Variants in NAV2 observed in about 807,000 individuals in gnomAD.
NAV2 encodes the protein neuron navigator 2, also known as helicase, APC down-regulated 1.
In NAV2, 54 loss-of-function variants were observed where a neutral mutation model predicts 223.2. The observed-to-expected ratio is 0.24, with a 90% CI of 0.19 to 0.30. NAV2 has a LOEUF of 0.30. Ranked by LOEUF, NAV2 falls within the 10% of genes least tolerant of loss-of-function variation. The pLI is 1.00. For missense variants in NAV2, 2,806 were observed against 3,147.5 expected (o/e 0.89, Z 2.60); for synonymous variants, 1,279 against 1,239.3 (o/e 1.03, Z -0.67).
At chr11:19,406,382 G>A (rs540354635) in intron 1 of NAV2, among the ~76,000 whole-genome samples, 23 of 152,264 alleles carry the variant, frequency 1.5e-4, no homozygotes, top group African/African-American at 4.8e-4. Flanking sequence ...GGGAAGCACC[G>A]CGCAGAACGG....
rs562349014 is a variant in NAV2, at chr11:19,894,041, G to T, written c.931+1447G>T. On this transcript the variant is annotated intron_variant, in intron 6 of 37. Transcript: ENST00000349880. The stretch of plus-strand genomic sequence containing the variant: ...TATATGTGTATGTATATATGTATTT[G>T]TGTGTGTATATATATATGTAACAGA... Among the ~76,000 whole-genome samples the T allele has an allele frequency of 9.9e-5, 15 of 152,186 alleles. No individual in the cohort carries two copies. In the South Asian group the frequency reaches 3.1e-3, roughly 32 times the overall value.
chr11:19,821,944 C>A (rs1359274537), intron 1 of NAV2, among the ~76,000 whole-genome samples: 2 of 152,206 alleles, frequency 1.3e-5, no homozygotes, highest in African/African-American at 4.8e-5. Context: ...TGCTTTCAAA[C>A]CCCGCGTACT....
intron 2 of NAV2, among the ~76,000 whole-genome samples, chr11:19,833,185 T>A (rs2060043117): frequency 6.6e-6 from 1 of 152,190 alleles, no homozygotes; most frequent in African/African-American, 2.4e-5. Context: ...CAGCTTTGCC[T>A]TGGGCCTTAA....
At chr11:19,769,613 G>A (rs1483516558) in intron 1 of NAV2, among the ~76,000 whole-genome samples, 1 of 152,218 alleles carries the variant, frequency 6.6e-6, no homozygotes, top group African/African-American at 2.4e-5. Context: ...AAGCCCTGGA[G>A]TAGATTGTGT....
At chr11:19,683,104 G>A (rs992175940) in intron 1 of NAV2, among the ~76,000 whole-genome samples, 1 of 152,120 alleles carries the variant, frequency 6.6e-6, no homozygotes, top group African/African-American at 2.4e-5. Context: ...GATAAAATGG[G>A]GGTATTTGTA....
intron 1 of NAV2, among the ~76,000 whole-genome samples, chr11:19,654,495 T>C (rs2048060690): frequency 6.6e-6 from 1 of 152,110 alleles, no homozygotes; most frequent in Non-Finnish European, 1.5e-5. Flanking sequence ...CAAACTATAC[T>C]ACAAGGCTAC....
chr11:19,435,658 C>T (rs180757138), intron 1 of NAV2, among the ~76,000 whole-genome samples: 13 of 152,238 alleles, frequency 8.5e-5, no homozygotes, highest in Non-Finnish European at 1.5e-5. Context: ...ATACTGTTTT[C>T]CAAAATGCCT....
intron 11 of NAV2, among the ~76,000 whole-genome samples, chr11:19,984,788 A>G (rs939181726): frequency 6.6e-6 from 1 of 152,220 alleles, no homozygotes; most frequent in African/African-American, 2.4e-5. Flanking sequence ...CACTGCTGTC[A>G]GGGAAGAAAA....
intron 1 of NAV2, among the ~76,000 whole-genome samples, chr11:19,608,955 C>T (rs888570612): frequency 6.6e-6 from 1 of 152,204 alleles, no homozygotes; most frequent in Non-Finnish European, 1.5e-5. Context: ...GTGACCTCTG[C>T]TTTCATGGTC....
chr11:19,889,523 G>A (rs1162343253), intron 5 of NAV2, among the ~76,000 whole-genome samples: 2 of 152,132 alleles, frequency 1.3e-5, no homozygotes, highest in African/African-American at 2.4e-5. Flanking sequence ...GGCTTTTGAC[G>A]GCTATATGCA....
chr11:19,491,278 G>C (rs933677343), intron 1 of NAV2, among the ~76,000 whole-genome samples: 1 of 152,176 alleles, frequency 6.6e-6, no homozygotes, highest in African/African-American at 2.4e-5. Context: ...CAGCCATTGA[G>C]TCTCCTCTCT....
At chr11:19,934,585 A>G (rs11025328) in intron 7 of NAV2, among the ~76,000 whole-genome samples, 58,974 of 152,046 alleles carry the variant, frequency 0.39, 14,061 homozygotes, top group Non-Finnish European at 0.54. Flanking sequence ...AGCAGAAAGC[A>G]TGAAGGCCTA....
chr11:19,494,114 TG>T (rs1166025219), intron 1 of NAV2, among the ~76,000 whole-genome samples: 1 of 152,178 alleles, frequency 6.6e-6, no homozygotes, highest in East Asian at 1.9e-4. Flanking sequence ...CCAGGTGCTG[TG>T]GTGTGTGACT....
At chr11:19,549,942 G>C (rs1026661673) in intron 1 of NAV2, among the ~76,000 whole-genome samples, 21 of 152,246 alleles carry the variant, frequency 1.4e-4, no homozygotes, top group African/African-American at 4.8e-4. Flanking sequence ...CAAAAGAAGG[G>C]GAGATGGAGC....
intron 1 of NAV2, among the ~76,000 whole-genome samples, chr11:19,831,194 C>T (rs963355694): frequency 4.0e-5 from 5 of 123,496 alleles, no homozygotes; most frequent in Non-Finnish European, 3.2e-5. Context: ...AACCTGACCC[C>T]GGCTCCTGTT....
At chr11:19,951,824 T>C (rs1399424568) in intron 10 of NAV2, among the ~76,000 whole-genome samples, 1 of 152,258 alleles carries the variant, frequency 6.6e-6, no homozygotes, top group East Asian at 1.9e-4. Flanking sequence ...CGTTTTAGCA[T>C]GTGTGATAGC....
At chr11:19,715,328 C>T (rs577117146) in intron 1 of NAV2, among the ~76,000 whole-genome samples, 1 of 152,268 alleles carries the variant, frequency 6.6e-6, no homozygotes, top group South Asian at 2.1e-4. Context: ...GGGCCTGCCT[C>T]TGTGAGGGTT....
At chr11:19,617,454 T>C (rs1359983626) in intron 1 of NAV2, among the ~76,000 whole-genome samples, 1 of 152,164 alleles carries the variant, frequency 6.6e-6, no homozygotes, top group Non-Finnish European at 1.5e-5. Flanking sequence ...AACAGGCTGC[T>C]TGCTGCTCTG....
intron 1 of NAV2, among the ~76,000 whole-genome samples, chr11:19,725,162 T>C (rs955065449): frequency 2.2e-4 from 33 of 152,244 alleles, no homozygotes; most frequent in Non-Finnish European, 4.4e-5. Flanking sequence ...AACACTGAGA[T>C]GGATACTTTT....
Sources: allele counts gnomAD v4.1 joint callset (sites outside exome capture counted in the v4.1 genomes callset), GRCh38; gene constraint gnomAD v4.1.1; transcripts MANE v1.5; gene names NCBI Gene and HGNC (gene_info 2026-07-23, HGNC 2026-07-21).